The following CNTN5 variants were observed in gnomAD, a reference collection of about 807,000 sequenced individuals.
CNTN5 encodes contactin-5.
CNTN5 carries 77 observed loss-of-function variants against 129.1 expected under a neutral mutation model. The observed-to-expected ratio is 0.60, with a 90% confidence interval of 0.50 to 0.72. CNTN5 has a LOEUF of 0.72. Ranked by LOEUF, CNTN5 falls within the 30% of genes least tolerant of loss-of-function variation. CNTN5 has a pLI of 0.00. For synonymous variants in CNTN5, 509 were observed against 465.6 expected (o/e 1.09, Z -1.20); for missense variants, 1,478 against 1,328.8 (o/e 1.11, Z -1.75).
chr11:99,122,556 C>A (rs1413191005), intron 1 of CNTN5, among the ~76,000 whole-genome samples: 2 of 151,650 alleles, frequency 1.3e-5, no homozygotes, highest in Admixed American at 6.6e-5. Flanking sequence ...ATTTTTTTAA[C>A]TTTTAGGTTT....
At chr11:100,228,751 C>T (rs1170362186) in intron 16 of CNTN5, among the ~76,000 whole-genome samples, 1 of 152,162 alleles carries the variant, frequency 6.6e-6, no homozygotes, top group African/African-American at 2.4e-5. Context: ...CCTCGGCTGG[C>T]TCTACATCCT....
chr11:99,892,685 T>C (rs1949095079), intron 6 of CNTN5, among the ~76,000 whole-genome samples: 1 of 152,180 alleles, frequency 6.6e-6, no homozygotes, highest in South Asian at 2.1e-4. Flanking sequence ...CATTGGTCTA[T>C]ATATCTGTGT....
At chr11:99,966,202 A>G (rs887887021) in intron 8 of CNTN5, among the ~76,000 whole-genome samples, 6 of 152,228 alleles carry the variant, frequency 3.9e-5, no homozygotes, top group African/African-American at 1.2e-4. Context: ...ATAATAAGGG[A>G]CATATGCAAA....
At chr11:100,318,765 ATGGGCT>A (rs1273990662) in intron 21 of CNTN5, among the ~76,000 whole-genome samples, 1 of 152,218 alleles carries the variant, frequency 6.6e-6, no homozygotes, top group Non-Finnish European at 1.5e-5. Context: ...ACATACAGAC[ATGGGCT>A]TGCTTAATAA....
At chr11:99,281,929 T>C (rs1038563318) in intron 1 of CNTN5, among the ~76,000 whole-genome samples, 1 of 151,980 alleles carries the variant, frequency 6.6e-6, no homozygotes, top group African/African-American at 2.4e-5. Flanking sequence ...GGATTTCCAG[T>C]TTATAATCAG....
chr11:99,179,099 T>C (rs1435658011), intron 1 of CNTN5, among the ~76,000 whole-genome samples: 2 of 152,232 alleles, frequency 1.3e-5, no homozygotes, highest in African/African-American at 4.8e-5. Context: ...TAATAAACAG[T>C]AATTGTATTC....
chr11:100,033,239 C>T (rs1459129236), intron 9 of CNTN5, among the ~76,000 whole-genome samples: 1 of 152,172 alleles, frequency 6.6e-6, no homozygotes, highest in African/African-American at 2.4e-5. Flanking sequence ...AACTAATCAG[C>T]TTTTCTGGCA....
At chr11:99,617,570 A>T (rs898420839) in intron 3 of CNTN5, among the ~76,000 whole-genome samples, 1 of 152,148 alleles carries the variant, frequency 6.6e-6, no homozygotes, top group Non-Finnish European at 1.5e-5. Flanking sequence ...CTAATCTCTT[A>T]TTTTCCTCAA....
intron 6 of CNTN5, among the ~76,000 whole-genome samples, chr11:99,904,863 G>A (rs967732745): frequency 6.6e-6 from 1 of 152,128 alleles, no homozygotes; most frequent in Non-Finnish European, 1.5e-5. Flanking sequence ...ATCTCTTTGT[G>A]GTTTTGATTT....
At chr11:99,699,667 T>TGAATGG (rs1954434051) in intron 3 of CNTN5, among the ~76,000 whole-genome samples, 1 of 151,470 alleles carries the variant, frequency 6.6e-6, no homozygotes, top group Admixed American at 6.6e-5. Context: ...TGTTTCCACT[T>TGAATGG]TAAGTTCAAG....
chr11:100,283,839 G>A (rs761228387), intron 18 of CNTN5, among the ~76,000 whole-genome samples: 3 of 152,068 alleles, frequency 2.0e-5, no homozygotes, highest in Admixed American at 6.6e-5. Context: ...CCAGCTACTC[G>A]AGAGGCTGAG....
intron 3 of CNTN5, among the ~76,000 whole-genome samples, chr11:99,740,532 G>A (rs373646581): frequency 3.9e-5 from 6 of 152,278 alleles, no homozygotes; most frequent in African/African-American, 1.4e-4. Flanking sequence ...GACTGTGTGT[G>A]TTAGGTCTGC....
chr11:100,168,039 C>A (rs1406541169), intron 13 of CNTN5, among the ~76,000 whole-genome samples: 1 of 151,820 alleles, frequency 6.6e-6, no homozygotes, highest in Non-Finnish European at 1.5e-5. Flanking sequence ...TACTCTAGAG[C>A]AGAGCCTTAA....
At chr11:99,265,399 T>G (rs1262024448) in intron 1 of CNTN5, among the ~76,000 whole-genome samples, 2 of 152,052 alleles carry the variant, frequency 1.3e-5, no homozygotes, top group African/African-American at 4.8e-5. Flanking sequence ...CAAGTTAGTT[T>G]GGAACTGTGG....
At chr11:99,897,327 A>G (rs1029373746) in intron 6 of CNTN5, among the ~76,000 whole-genome samples, 1 of 152,178 alleles carries the variant, frequency 6.6e-6, no homozygotes, top group Non-Finnish European at 1.5e-5. Context: ...CAAGATAAAC[A>G]TTACTGAGGC....
At chr11:99,493,327 A>G (rs1310542265) in intron 2 of CNTN5, among the ~76,000 whole-genome samples, 1 of 152,238 alleles carries the variant, frequency 6.6e-6, no homozygotes, top group East Asian at 1.9e-4. Context: ...AATTAATCTT[A>G]GTAAATGCTA....
intron 1 of CNTN5, among the ~76,000 whole-genome samples, chr11:99,286,109 A>G (rs2135905097): frequency 6.6e-6 from 1 of 152,030 alleles, no homozygotes; most frequent in East Asian, 1.9e-4. Flanking sequence ...TTTACTTTCA[A>G]TATTATTTCT....
At chr11:99,796,430 A>C (rs948119716) in intron 3 of CNTN5, among the ~76,000 whole-genome samples, 29 of 152,050 alleles carry the variant, frequency 1.9e-4, no homozygotes, top group Admixed American at 7.9e-4. Flanking sequence ...TATGCTGGCA[A>C]AGTTGCACAG....
intron 2 of CNTN5, among the ~76,000 whole-genome samples, chr11:99,383,359 G>A (rs1385979177): frequency 6.6e-6 from 1 of 152,074 alleles, no homozygotes; most frequent in Non-Finnish European, 1.5e-5. Context: ...AGAAGAAAAA[G>A]GAAAGAAATA....
Sources: allele counts gnomAD v4.1 joint callset (sites outside exome capture counted in the v4.1 genomes callset), GRCh38; gene constraint gnomAD v4.1.1; transcripts MANE v1.5; gene names NCBI Gene and HGNC (gene_info 2026-07-23, HGNC 2026-07-21).